Variants in ESR1 observed in about 807,000 individuals in gnomAD.
ESR1 encodes the protein estrogen receptor 1.
Under a neutral mutation model 52.7 loss-of-function variants are expected in ESR1, and 12 were observed. The ratio of observed to expected loss-of-function variants is 0.23; its 90% confidence interval spans 0.15 to 0.37. The LOEUF is 0.37. ESR1 is among the 10% of genes least tolerant of loss of function. The probability of loss-of-function intolerance (pLI) is 1.00; values close to 1 mark genes in which losing one functional copy is unlikely to be tolerated. For missense variants in ESR1, 584 were observed against 779.7 expected (o/e 0.75, Z 2.99); for synonymous variants, 305 against 316.8 (o/e 0.96, Z 0.39).
At position 152,060,868 on chromosome 6, in the gene ESR1, GT is replaced by G; in HGVS notation, c.1236-117del. Reference sequence around the variant, plus strand: ...TATTCCATGAAGACAATGGCTGATAGTTTTTTGTTAAAGATTTAGAACCAGT... The same window carrying G: ...TATTCCATGAAGACAATGGCTGATAGTTTTTGTTAAAGATTTAGAACCAGT... On this transcript the variant is annotated intron_variant, in intron 5 of 7. Coordinates refer to ENST00000206249, the MANE Select transcript of ESR1 (RefSeq NM_000125.4). 5.1e-6 allele frequency: 4 copies of G among 783,920 alleles called. No individual in the cohort carries two copies. The South Asian group carries it at 5.3e-5, about 10-fold the overall frequency. 48.6% of individuals were successfully genotyped at this position (783,920 alleles called of 1,614,324 possible). A position where few individuals can be genotyped will look rare whatever the true frequency, so the allele number is the denominator to read the frequency against.
chr6:151,990,085 A>T (rs1233360487), intron 4 of ESR1, among the ~76,000 whole-genome samples: 1 of 152,164 alleles, frequency 6.6e-6, no homozygotes, highest in Non-Finnish European at 1.5e-5. Flanking sequence ...ATAAATGTAA[A>T]TTACAATAAA....
In ESR1 at chr6:152,094,309, T is replaced by A. The variant is rs2050441675; in HGVS notation, c.1370-76T>A. 7.9e-7 allele frequency: 1 copy of A among 1,268,648 alleles called. No homozygotes were observed. The highest frequency in any genetic ancestry group is 1.2e-6 in the Non-Finnish European group (1 of 865,634). The allele number at this position is 1,268,648 out of a possible 1,614,324, so 78.6% of individuals were successfully genotyped here. On this transcript the variant is annotated intron_variant, in intron 6 of 7. Transcript: ENST00000206249. The surrounding 1 kb of genome is among the most constrained non-coding windows in gnomAD (Gnocchi z 4.6). ...GGAAGGGCACTGGCTCATTGTTACATCCCATGAACACTCTGGGTCTCCTAG... is the reference window on the plus strand; with the variant it reads ...GGAAGGGCACTGGCTCATTGTTACAACCCATGAACACTCTGGGTCTCCTAG...
Position 151,775,041 on chromosome 6 carries a change from G to A in ESR1, c.-70-32802G>A, listed in dbSNP as rs546763591. 3.3e-5 allele frequency among the ~76,000 whole-genome samples: 5 copies of A among 152,276 alleles called. No homozygotes were observed. In the South Asian group the frequency reaches 1.0e-3, roughly 32 times the overall value. ...GTCCAATATAGCCCTTTGACTTGGG[G>A]AAAGATCAAACTTCGAAATTTATAT... On this transcript the variant is annotated intron_variant, in intron 2 of 2. Transcript: ENST00000404742.
chr6:151,682,337 T>G (rs1778493480), intron 1 of ESR1, among the ~76,000 whole-genome samples: 1 of 151,984 alleles, frequency 6.6e-6, no homozygotes, highest in South Asian at 2.1e-4. Flanking sequence ...CTGTAGGAAG[T>G]TTTTTTTGGT....
chr6:152,096,016 A>C (rs1417900233), intron 7 of ESR1, among the ~76,000 whole-genome samples: 1 of 152,200 alleles, frequency 6.6e-6, no homozygotes, highest in Non-Finnish European at 1.5e-5. Flanking sequence ...GGCTAGCCAA[A>C]AGCTTAGTGG....
intron 4 of ESR1, among the ~76,000 whole-genome samples, chr6:151,966,750 C>G (rs553290405): frequency 1.6e-4 from 25 of 152,198 alleles, no homozygotes; most frequent in African/African-American, 6.0e-4. Context: ...TTATATCCTG[C>G]AATATTTAGA....
chr6:151,752,981 A>C (rs1262776128), intron 2 of ESR1, among the ~76,000 whole-genome samples: 1 of 152,208 alleles, frequency 6.6e-6, no homozygotes, highest in Non-Finnish European at 1.5e-5. Flanking sequence ...AGAACACCAA[A>C]TCATCAAATC....
intron 6 of ESR1, among the ~76,000 whole-genome samples, chr6:152,076,143 A>G (rs9479199): frequency 0.21 from 32,088 of 152,052 alleles, 4,784 homozygotes; most frequent in African/African-American, 0.41. Context: ...AATTTTACTC[A>G]CATAATTTCC....
intron 6 of ESR1, among the ~76,000 whole-genome samples, chr6:152,109,513 AAAAG>A (rs1435711477): frequency 5.3e-5 from 8 of 152,082 alleles, no homozygotes; most frequent in East Asian, 1.9e-4. Context: ...CAAAAAAAAA[AAAAG>A]AAAGAAAGAA....
At position 152,061,153 on chromosome 6, in the gene ESR1, G is replaced by T; in HGVS notation, c.1369+29G>T. On this transcript the variant is annotated intron_variant, in intron 6 of 7. Transcript: ENST00000206249. The surrounding 1 kb of genome is among the most constrained non-coding windows in gnomAD (Gnocchi z 4.3). ...AGTTGATAACACAAGATAACTCAAT[G>T]CTGGATGAAATGTTTATTTGTAGTT... The T allele has an allele frequency of 6.2e-7, 1 of 1,608,156 alleles. No homozygotes were observed. Among genetic ancestry groups the T allele is most frequent in the Admixed American group, 1.7e-5 (1 of 59,990 alleles).
At chr6:151,849,720 T>A (rs978960044) in intron 2 of ESR1, among the ~76,000 whole-genome samples, 1 of 151,410 alleles carries the variant, frequency 6.6e-6, no homozygotes, top group Admixed American at 6.6e-5. Flanking sequence ...CTGGGTTAGG[T>A]TGGTAAGAGA....
At chr6:151,743,408 A>G (rs997947696) in intron 2 of ESR1, among the ~76,000 whole-genome samples, 6 of 151,974 alleles carry the variant, frequency 3.9e-5, no homozygotes, top group Admixed American at 1.3e-4. Flanking sequence ...TACCTAAATC[A>G]CTCTATTTAC....
chr6:151,951,014 A>T (rs2036264769), intron 4 of ESR1, among the ~76,000 whole-genome samples: 1 of 151,984 alleles, frequency 6.6e-6, no homozygotes, highest in Non-Finnish European at 1.5e-5. Context: ...CTGCCTGCCC[A>T]AGTAGTTCAC....
At chr6:152,017,001 C>T (rs775455760) in intron 5 of ESR1, among the ~76,000 whole-genome samples, 8 of 152,130 alleles carry the variant, frequency 5.3e-5, no homozygotes, top group Non-Finnish European at 1.0e-4. Context: ...CTTGTTCTCT[C>T]AAATCTTTGC....
chr6:151,694,957 A>G (rs1779223444), intron 1 of ESR1, among the ~76,000 whole-genome samples: 1 of 146,384 alleles, frequency 6.8e-6, no homozygotes, highest in Non-Finnish European at 1.6e-5. Flanking sequence ...AAAGTGTGCC[A>G]GGGTGGAAGT....
At chr6:152,122,368 G>T in intron 6 of ESR1, 1 of 1,612,324 alleles carries the variant, frequency 6.2e-7, no homozygotes, top group Non-Finnish European at 8.5e-7. Flanking sequence ...CTTGTTGGTA[G>T]TTTGGGATTG....
intron 1 of ESR1, among the ~76,000 whole-genome samples, chr6:151,824,413 T>G (rs1322901459): frequency 2.6e-5 from 4 of 152,172 alleles, no homozygotes; most frequent in Non-Finnish European, 4.4e-5. Flanking sequence ...TTTCTCCCAT[T>G]TTGTAGGTTG....
chr6:152,125,078 A>G lies in ESR1; in HGVS notation c.851-188A>G, dbSNP rs528382123. Among the ~76,000 whole-genome samples, 4 of 152,342 alleles carry G rather than the reference A, an allele frequency of 2.6e-5. No homozygotes were observed. In the South Asian group the frequency reaches 6.2e-4, roughly 24 times the overall value. ...CAGAAGATTTCAACCCTGTGATTTT[A>G]ACTACCAGAACCTGGAGACTCTAGA... is the stretch of plus-strand genomic sequence containing the variant. On this transcript the variant is annotated intron_variant, in intron 6 of 6. Transcript: ENST00000427531.
intron 4 of ESR1, among the ~76,000 whole-genome samples, chr6:151,957,843 C>T (rs2037180129): frequency 6.6e-6 from 1 of 152,192 alleles, no homozygotes; most frequent in Non-Finnish European, 1.5e-5. Flanking sequence ...ATTTTTTTCT[C>T]TCACATAAAA....
Sources: allele counts gnomAD v4.1 joint callset (sites outside exome capture counted in the v4.1 genomes callset), GRCh38; gene constraint gnomAD v4.1.1; non-coding constraint Gnocchi (gnomAD v3.1); transcripts MANE v1.5; gene names NCBI Gene and HGNC (gene_info 2026-07-23, HGNC 2026-07-21).